Variants in ADCY10 observed in about 807,000 individuals in gnomAD.
The protein encoded by ADCY10 is adenylate cyclase type 10.
In ADCY10, 156 loss-of-function variants were observed where a neutral mutation model predicts 183.3. The observed-to-expected ratio is 0.85, with a 90% CI of 0.75 to 0.97. The LOEUF (loss-of-function observed/expected upper bound fraction) is 0.97. Among genes scored for constraint, ADCY10 ranks in the 50% least tolerant of loss-of-function variants. ADCY10 has a pLI of 0.00. For synonymous variants in ADCY10, 645 were observed against 670.0 expected (o/e 0.96, Z 0.58); for missense variants, 1,745 against 1,934.3 (o/e 0.90, Z 1.84).
At chr1:167,901,203 G>A (rs1669396925) in intron 5 of ADCY10, among the ~76,000 whole-genome samples, 1 of 152,184 alleles carries the variant, frequency 6.6e-6, no homozygotes, top group Non-Finnish European at 1.5e-5. Flanking sequence ...TAAAGCTGGA[G>A]CTGTGTTGCA....
intron 24 of ADCY10, 110 bp downstream of exon 24, chr1:167,833,860 C>G (rs946761191): frequency 1.2e-6 from 1 of 858,640 alleles, no homozygotes; most frequent in African/African-American, 1.7e-5. Flanking sequence ...GGCTAGAAGT[C>G]TGTGGCAAGA....
In ADCY10 at chr1:167,822,116, T is replaced by C; in HGVS notation, c.4194A>G (p.Glu1398=). 1 of 1,605,354 alleles carries C rather than the reference T, an allele frequency of 6.2e-7. No homozygotes were observed. The highest frequency in any genetic ancestry group is 8.5e-7 in the Non-Finnish European group (1 of 1,171,884). ...CGTATTGGTGTATGAATTCCAAACA[T>C]TCTTCAAATGTTCTATAAACAAAAC... The part of the protein sequence containing the change: ...YSGFVYRTFE[E]CLEFIHQYEN... The change falls in exon 30 of 33, where the codon GAA becomes GAG. Residue 1398 remains glutamate, a synonymous_variant. Coordinates refer to ENST00000367851, the MANE Select transcript of ADCY10 (RefSeq NM_018417.6).
At chr1:167,888,801 G>T (rs369644348) in intron 8 of ADCY10, among the ~76,000 whole-genome samples, 19 of 150,606 alleles carry the variant, frequency 1.3e-4, no homozygotes, top group Middle Eastern at 3.6e-3. Context: ...GAGTGAACCC[G>T]GGAGGCGGAG....
At chr1:167,839,276 C>T (rs1485271316) in intron 21 of ADCY10, among the ~76,000 whole-genome samples, 2 of 152,200 alleles carry the variant, frequency 1.3e-5, no homozygotes, top group African/African-American at 4.8e-5. Context: ...TGAGTAGGTT[C>T]TGATCAATGG....
At chr1:167,844,495 G>A (rs1407157194) in intron 21 of ADCY10, among the ~76,000 whole-genome samples, 1 of 152,118 alleles carries the variant, frequency 6.6e-6, no homozygotes, top group Non-Finnish European at 1.5e-5. Context: ...CCCACATTTG[G>A]GGGAGCTCAG....
At chr1:167,839,976 T>A (rs1433897624) in intron 21 of ADCY10, among the ~76,000 whole-genome samples, 1 of 151,804 alleles carries the variant, frequency 6.6e-6, no homozygotes, top group African/African-American at 2.4e-5. Context: ...TCCCAACACT[T>A]TGGGAGGCTG....
chr1:167,824,621 C>A, intron 27 of ADCY10, 30 bp downstream of exon 27: 1 of 1,613,884 alleles, frequency 6.2e-7, no homozygotes, highest in Non-Finnish European at 8.5e-7. Flanking sequence ...CTTGTATCCT[C>A]ATGTCCCATC....
chr1:167,822,903 G>T, intron 29 of ADCY10, 105 bp downstream of exon 29: 1 of 967,910 alleles, frequency 1.0e-6, no homozygotes, highest in Non-Finnish European at 1.7e-6. Context: ...AAGTCCACCA[G>T]CCAGAAACCT....
intron 12 of ADCY10, among the ~76,000 whole-genome samples, chr1:167,876,749 G>A (rs1258844466): frequency 1.3e-5 from 2 of 152,202 alleles, no homozygotes; most frequent in East Asian, 3.8e-4. Context: ...TGTGCCCTTT[G>A]CTGTGTAACT....
At position 167,833,089 on chromosome 1, in the gene ADCY10, A is replaced by T; in HGVS notation, c.3491T>A (p.Ile1164Asn). The T allele has an allele frequency of 1.2e-6, 2 of 1,614,186 alleles. No homozygotes were observed. The highest frequency in any genetic ancestry group is 1.7e-6 in the Non-Finnish European group (2 of 1,180,036). Residue 1164 changes from isoleucine (I) to asparagine (N), a missense_variant, in exon 25 of 33, where the codon ATC (isoleucine) becomes AAC (asparagine). Physicochemically the swap from Ile to Asn is moderately radical, Grantham distance 149. Transcript: ENST00000367851. The stretch of plus-strand genomic sequence containing the variant: ...CAAGGAGATTAAGTTGTAAGGAAAG[A>T]TTCGGTTGAGGAGCTTCAGTGCCTT... Reference protein sequence around the residue: ...LRKALKLLNRIFPYNLISLFL... With the variant: ...LRKALKLLNRNFPYNLISLFL...
At chr1:167,857,686 T>G (rs1205021886) in intron 16 of ADCY10, among the ~76,000 whole-genome samples, 1 of 152,242 alleles carries the variant, frequency 6.6e-6, no homozygotes, top group Non-Finnish European at 1.5e-5. Context: ...CTTTACATAA[T>G]TAACTCACTT....
At chr1:167,890,959 T>G (rs190989435) in intron 8 of ADCY10, among the ~76,000 whole-genome samples, 57 of 152,094 alleles carry the variant, frequency 3.7e-4, no homozygotes, top group Non-Finnish European at 7.6e-4. Flanking sequence ...ATTTATTTAT[T>G]TAGTTAGTTA....
chr1:167,858,579 T>C (rs1183894338), intron 16 of ADCY10, among the ~76,000 whole-genome samples: 1 of 148,716 alleles, frequency 6.7e-6, no homozygotes, highest in Non-Finnish European at 1.5e-5. Flanking sequence ...TGAATGGCAA[T>C]ATGCCATAAT....
chr1:167,820,324 G>T (rs942826922), intron 30 of ADCY10: 62 of 1,006,532 alleles, frequency 6.2e-5, no homozygotes, highest in Non-Finnish European at 8.2e-5. Flanking sequence ...GGACTAGCCG[G>T]CCTTGAGGGG....
intron 30 of ADCY10, chr1:167,820,485 C>A (rs995957923): frequency 2.5e-6 from 1 of 397,438 alleles, no homozygotes; most frequent in Non-Finnish European, 4.4e-6. Flanking sequence ...TTAAAAAATT[C>A]TCCTGCTGAG....
At chr1:167,889,941 A>G (rs1157673010) in intron 8 of ADCY10, among the ~76,000 whole-genome samples, 2 of 152,110 alleles carry the variant, frequency 1.3e-5, no homozygotes, top group African/African-American at 2.4e-5. Context: ...CTTAGTTAAC[A>G]TGGCTGAAAG....
chr1:167,825,490 C>T (rs1255064145), intron 26 of ADCY10, among the ~76,000 whole-genome samples: 1 of 151,940 alleles, frequency 6.6e-6, no homozygotes, highest in African/African-American at 2.4e-5. Context: ...GTTTCAACAA[C>T]AACAAAAACT....
chr1:167,878,510 TCTTTGGAAGCTCTTTAAAAAAGTACG>T lies in ADCY10; in HGVS notation c.1316_1341del (p.Ala439GlufsTer20), dbSNP rs1446194559. ...GAATCTGCAACACCTTTCATAACTT[TCTTTGGAAGCTCTTTAAAAAAGTACG>T]CTGGTAGGTTGCTCCCATTGTAGGT... On this transcript the variant is annotated frameshift_variant, in exon 12 of 33. Transcript: ENST00000367851. LOFTEE classifies it high-confidence loss of function. 1 of 1,614,024 alleles carries T rather than the reference TCTTTGGAAGCTCTTTAAAAAAGTACG, an allele frequency of 6.2e-7. No individual in the cohort carries two copies. The highest frequency in any genetic ancestry group is 1.3e-5 in the African/African-American group (1 of 74,908).
intron 19 of ADCY10, among the ~76,000 whole-genome samples, chr1:167,847,608 C>A (rs987339968): frequency 6.6e-6 from 1 of 151,816 alleles, no homozygotes; most frequent in Non-Finnish European, 1.5e-5. Context: ...TTAGTAGAGA[C>A]GGGGTTTCTC....
Sources: allele counts gnomAD v4.1 joint callset (sites outside exome capture counted in the v4.1 genomes callset), GRCh38; gene constraint gnomAD v4.1.1; transcripts MANE v1.5; gene names NCBI Gene and HGNC (gene_info 2026-07-23, HGNC 2026-07-21).